The following MIR2052HG variants were observed in gnomAD, a reference collection of about 807,000 sequenced individuals.
MIR2052HG encodes the protein MIR2052 host gene.
intron 2 of MIR2052HG, among the ~76,000 whole-genome samples, chr8:74,645,300 T>A (rs1808680062): frequency 6.6e-6 from 1 of 152,132 alleles, no homozygotes; most frequent in Non-Finnish European, 1.5e-5. Context: ...TTTTTTTTTT[T>A]TTGAGACGGA....
At chr8:74,613,480 A>T (rs1808230016) in intron 2 of MIR2052HG, among the ~76,000 whole-genome samples, 1 of 152,082 alleles carries the variant, frequency 6.6e-6, no homozygotes, top group South Asian at 2.1e-4. Context: ...GCTTGATGGC[A>T]GGGATTCATT....
chr8:74,737,857 C>A (rs562341436), intron 4 of MIR2052HG, among the ~76,000 whole-genome samples: 1 of 152,166 alleles, frequency 6.6e-6, no homozygotes, highest in African/African-American at 2.4e-5. Context: ...GTTTAGTTTT[C>A]TCCTATTTTA....
chr8:74,644,326 C>T (rs1808669432), intron 2 of MIR2052HG, among the ~76,000 whole-genome samples: 1 of 152,162 alleles, frequency 6.6e-6, no homozygotes, highest in Non-Finnish European at 1.5e-5. Context: ...TGTTTGGATA[C>T]ACAGATACTT....
At chr8:74,641,094 T>G (rs1213057686) in intron 2 of MIR2052HG, among the ~76,000 whole-genome samples, 2 of 152,162 alleles carry the variant, frequency 1.3e-5, no homozygotes, top group Non-Finnish European at 2.9e-5. Flanking sequence ...AATTACAAAA[T>G]TGTGTTTATC....
rs144114271 is a variant in MIR2052HG, at chr8:74,678,031, A to G, written n.217-24348A>G. ...TTATAGAAAATGTTTGAGAGTATTA[A>G]CAAAATAGATGAATTCCTAGAAAAT... On this transcript the variant is annotated intron_variant and non_coding_transcript_variant, in intron 2 of 6. Coordinates refer to ENST00000523442, the Ensembl canonical transcript of MIR2052HG. Among the ~76,000 whole-genome samples, 4 of 152,304 alleles carry G rather than the reference A, an allele frequency of 2.6e-5. No homozygotes were observed. The East Asian group carries it at 5.8e-4, about 22-fold the overall frequency.
Position 74,633,840 on chromosome 8 carries a change from A to T in MIR2052HG, n.216+20900A>T, listed in dbSNP as rs542911555. On this transcript the variant is annotated intron_variant and non_coding_transcript_variant, in intron 2 of 6. Transcript: ENST00000523442. ...TAACTATGAGCCTTTGACTACTACA[A>T]GGATGAAGAACATAATGGAGATATA... 3.9e-5 allele frequency among the ~76,000 whole-genome samples: 6 copies of T among 152,338 alleles called. No homozygotes were observed. The East Asian group carries it at 1.2e-3, about 29-fold the overall frequency.
intron 4 of MIR2052HG, among the ~76,000 whole-genome samples, chr8:74,733,198 A>G (rs2128755005): frequency 6.6e-6 from 1 of 152,212 alleles, no homozygotes; most frequent in South Asian, 2.1e-4. Context: ...GTCATCTAGC[A>G]TTAGGTATCT....
intron 2 of MIR2052HG, among the ~76,000 whole-genome samples, chr8:74,636,781 C>T (rs1243399554): frequency 6.6e-6 from 1 of 152,032 alleles, no homozygotes; most frequent in African/African-American, 2.4e-5. Flanking sequence ...TCAAGCAAGC[C>T]TATACAAAAT....
intron 4 of MIR2052HG, among the ~76,000 whole-genome samples, chr8:74,747,563 T>A (rs1386317535): frequency 1.3e-5 from 2 of 152,170 alleles, no homozygotes; most frequent in African/African-American, 4.8e-5. Context: ...GTGAATCGTG[T>A]TATTCTCTGA....
chr8:74,643,129 G>T (rs949933074), intron 2 of MIR2052HG, among the ~76,000 whole-genome samples: 1 of 152,030 alleles, frequency 6.6e-6, no homozygotes, highest in African/African-American at 2.4e-5. Context: ...GCAGTGCTTG[G>T]GCAAAAAGAA....
chr8:74,613,809 C>T lies in MIR2052HG; in HGVS notation n.216+869C>T, dbSNP rs535004045. On this transcript the variant is annotated intron_variant and non_coding_transcript_variant, in intron 2 of 6. Transcript: ENST00000523442. ...GCCTGCAGGGATTCAATTTTTAAGCCATTATCAGGATTTGTTGATCTGGTT... is the reference window on the plus strand; with the variant it reads ...GCCTGCAGGGATTCAATTTTTAAGCTATTATCAGGATTTGTTGATCTGGTT... Among the ~76,000 whole-genome samples the T allele has an allele frequency of 7.2e-5, 11 of 152,250 alleles. No homozygotes were observed. In the South Asian group the frequency reaches 2.3e-3, roughly 32 times the overall value.
intron 2 of MIR2052HG, among the ~76,000 whole-genome samples, chr8:74,702,188 A>G (rs1157304949): frequency 6.6e-6 from 1 of 152,132 alleles, no homozygotes. Context: ...TGAAAATCAA[A>G]TGCAAAAGAT....
At chr8:74,716,293 G>A (rs1361670127) in intron 4 of MIR2052HG, among the ~76,000 whole-genome samples, 1 of 152,210 alleles carries the variant, frequency 6.6e-6, no homozygotes, top group African/African-American at 2.4e-5. Flanking sequence ...ATGGTGAAGA[G>A]TATCCCTTGC....
At chr8:74,692,716 G>A (rs1194616582) in intron 2 of MIR2052HG, among the ~76,000 whole-genome samples, 1 of 152,128 alleles carries the variant, frequency 6.6e-6, no homozygotes, top group Non-Finnish European at 1.5e-5. Flanking sequence ...ACCCTTTGAT[G>A]TTGTTTTATA....
chr8:74,726,748 T>C (rs1563540730), intron 4 of MIR2052HG, among the ~76,000 whole-genome samples: 1 of 152,230 alleles, frequency 6.6e-6, no homozygotes, highest in African/African-American at 2.4e-5. Context: ...GTGGATTATA[T>C]GGCATGTGTT....
At chr8:74,674,842 T>A (rs1809033813) in intron 2 of MIR2052HG, among the ~76,000 whole-genome samples, 1 of 151,900 alleles carries the variant, frequency 6.6e-6, no homozygotes, top group Non-Finnish European at 1.5e-5. Context: ...ATACTATATG[T>A]TATATATACT....
intron 4 of MIR2052HG, among the ~76,000 whole-genome samples, chr8:74,749,973 G>A (rs138578144): frequency 5.9e-5 from 9 of 152,036 alleles, no homozygotes; most frequent in Admixed American, 2.0e-4. Flanking sequence ...GCTCTCTTGC[G>A]TAGACCTTCT....
chr8:74,640,463 G>A (rs990465234), intron 2 of MIR2052HG, among the ~76,000 whole-genome samples: 4 of 89,040 alleles, frequency 4.5e-5, no homozygotes, highest in African/African-American at 1.7e-4. Flanking sequence ...GCAAGACTCC[G>A]TCTCAAAAAA....
At chr8:74,671,053 A>T (rs1275956643) in intron 2 of MIR2052HG, among the ~76,000 whole-genome samples, 3 of 151,816 alleles carry the variant, frequency 2.0e-5, no homozygotes, top group Non-Finnish European at 4.4e-5. Flanking sequence ...GTGATCTCTA[A>T]CCTGTAAAGA....
Sources: gnomAD v4.1 joint callset for allele counts (sites outside exome capture counted in the v4.1 genomes callset) on GRCh38, gnomAD v4.1.1 for gene constraint, MANE v1.5 for transcripts, NCBI Gene and HGNC (gene_info 2026-07-23, HGNC 2026-07-21) for gene names.